Variants in SLC9A9 observed in about 807,000 individuals in gnomAD.
SLC9A9 encodes solute carrier family 9 member A9, also known as sodium/hydrogen exchanger 9.
In SLC9A9, 62 loss-of-function variants were observed where a neutral mutation model predicts 77.8. That is an observed-to-expected ratio of 0.80 (90% CI 0.65 to 0.98). SLC9A9 has a LOEUF of 0.98. Ranked by LOEUF, SLC9A9 falls within the 50% of genes least tolerant of loss-of-function variation. The pLI is 0.00. For missense variants in SLC9A9, 775 were observed against 774.9 expected (o/e 1.00, Z 0.00); for synonymous variants, 320 against 283.5 (o/e 1.13, Z -1.29).
At chr3:143,657,839 T>C (rs2038916700) in intron 5 of SLC9A9, among the ~76,000 whole-genome samples, 1 of 152,220 alleles carries the variant, frequency 6.6e-6, no homozygotes, top group South Asian at 2.1e-4. Context: ...GAATTTGTTT[T>C]AATTTCTAAT....
chr3:143,559,137 C>T (rs1221322324), intron 8 of SLC9A9, among the ~76,000 whole-genome samples: 2 of 152,192 alleles, frequency 1.3e-5, no homozygotes, highest in African/African-American at 4.8e-5. Context: ...GAGGCCTCCC[C>T]AGCCATGTGG....
chr3:143,552,466 C>T lies in SLC9A9; in HGVS notation c.1001-16G>A. ...GCAACTATCCCTGAAATTAAAAAAACAGATCAGTCAAAACCAATTTTTCTT... is the reference window on the plus strand; with the variant it reads ...GCAACTATCCCTGAAATTAAAAAAATAGATCAGTCAAAACCAATTTTTCTT... On this transcript the variant is annotated splice_polypyrimidine_tract_variant and intron_variant, in intron 8 of 15. Transcript: ENST00000316549. The T allele has an allele frequency of 6.2e-7, 1 of 1,609,804 alleles. No homozygotes were observed. The highest frequency in any genetic ancestry group is 1.1e-5 in the South Asian group (1 of 90,954).
chr3:143,341,467 G>T (rs2032096607), intron 14 of SLC9A9, among the ~76,000 whole-genome samples: 1 of 152,090 alleles, frequency 6.6e-6, no homozygotes, highest in Non-Finnish European at 1.5e-5. Context: ...GAAACGTGTT[G>T]GAGAACACCC....
intron 4 of SLC9A9, among the ~76,000 whole-genome samples, chr3:143,712,054 C>T (rs186815487): frequency 1.0e-3 from 157 of 152,318 alleles, no homozygotes; most frequent in Non-Finnish European, 1.9e-3. Context: ...GATATATGGA[C>T]TGGCTTTACA....
intron 14 of SLC9A9, among the ~76,000 whole-genome samples, chr3:143,335,121 CA>C (rs1284009113): frequency 6.6e-6 from 1 of 152,024 alleles, no homozygotes; most frequent in Non-Finnish European, 1.5e-5. Context: ...AAGATCAACA[CA>C]AAAAATCAGC....
intron 12 of SLC9A9, among the ~76,000 whole-genome samples, chr3:143,435,938 T>A (rs567304998): frequency 2.0e-5 from 3 of 152,294 alleles, no homozygotes; most frequent in Admixed American, 2.0e-4. Context: ...CCTGGGCCAG[T>A]GACAGAACTA....
At chr3:143,740,868 C>G (rs1009588400) in intron 4 of SLC9A9, among the ~76,000 whole-genome samples, 6 of 152,122 alleles carry the variant, frequency 3.9e-5, no homozygotes, top group African/African-American at 1.4e-4. Flanking sequence ...AATTCTGATA[C>G]TACTATTCAT....
chr3:143,383,619 G>A (rs932888672), intron 12 of SLC9A9, among the ~76,000 whole-genome samples: 1 of 152,186 alleles, frequency 6.6e-6, no homozygotes, highest in Non-Finnish European at 1.5e-5. Context: ...GACCAAGTGA[G>A]GGGCCCTGAA....
At chr3:143,631,812 C>G (rs965518920) in intron 6 of SLC9A9, among the ~76,000 whole-genome samples, 4 of 152,094 alleles carry the variant, frequency 2.6e-5, no homozygotes, top group Non-Finnish European at 5.9e-5. Flanking sequence ...TGCTAGTTCT[C>G]TTGATTTTTT....
At chr3:143,449,937 T>G (rs2034961682) in intron 12 of SLC9A9, among the ~76,000 whole-genome samples, 1 of 91,346 alleles carries the variant, frequency 1.1e-5, no homozygotes, top group Admixed American at 1.8e-4. Context: ...ATTACATGTA[T>G]ATATATTATA....
intron 7 of SLC9A9, among the ~76,000 whole-genome samples, chr3:143,576,495 G>A (rs1055678708): frequency 1.3e-5 from 2 of 152,094 alleles, no homozygotes; most frequent in Admixed American, 6.6e-5. Flanking sequence ...TTCAAATGAG[G>A]AGATGCATAG....
intron 13 of SLC9A9, among the ~76,000 whole-genome samples, chr3:143,379,805 C>T (rs1011309814): frequency 6.6e-6 from 1 of 152,158 alleles, no homozygotes; most frequent in Non-Finnish European, 1.5e-5. Context: ...GGTTTGACTA[C>T]AGTAAGTCTA....
intron 13 of SLC9A9, 108 bp from the exon 14 acceptor site, chr3:143,363,671 T>C (rs1309279293): frequency 2.9e-6 from 3 of 1,023,164 alleles, no homozygotes; most frequent in Non-Finnish European, 4.3e-6. Flanking sequence ...AAAAAACCTT[T>C]CTAAGTATAG....
intron 2 of SLC9A9, among the ~76,000 whole-genome samples, chr3:143,816,627 T>C (rs2009025392): frequency 6.6e-6 from 1 of 152,240 alleles, no homozygotes; most frequent in Non-Finnish European, 1.5e-5. Context: ...TATATTCTTG[T>C]ACTTAAGTCT....
intron 6 of SLC9A9, among the ~76,000 whole-genome samples, chr3:143,602,143 T>C (rs2037854639): frequency 6.6e-6 from 1 of 152,254 alleles, no homozygotes; most frequent in Admixed American, 6.5e-5. Context: ...GAAATTAACT[T>C]TGGTGTTGTG....
chr3:143,449,575 TATATAATTATATAAA>T, intron 12 of SLC9A9, among the ~76,000 whole-genome samples: 1 of 23,386 alleles, frequency 4.3e-5, no homozygotes, highest in Non-Finnish European at 6.3e-5. Flanking sequence ...TAATTATAAT[TATATAATTATATAAA>T]ATATAATTAT....
Position 143,687,730 on chromosome 3 carries a change from G to T in SLC9A9, c.649+5462C>A, listed in dbSNP as rs972408181. On this transcript the variant is annotated intron_variant, in intron 5 of 15. Coordinates refer to ENST00000316549, the MANE Select transcript of SLC9A9 (RefSeq NM_173653.4). ...TTTTTATTTTACAGATGAAGAGTCA[G>T]TTTTGTCTGTTAAAAAAAAAAGAAG... is the stretch of plus-strand genomic sequence containing the variant. 2.2e-5 allele frequency among the ~76,000 whole-genome samples: 3 copies of T among 134,332 alleles called. No homozygotes were observed. In the Admixed American group the frequency reaches 2.4e-4, roughly 11 times the overall value. 88.1% of individuals were successfully genotyped at this position (134,332 alleles called of 152,430 possible). A position where few individuals can be genotyped will look rare whatever the true frequency, so the allele number is the denominator to read the frequency against.
chr3:143,367,464 G>A (rs1472016299), intron 13 of SLC9A9, among the ~76,000 whole-genome samples: 1 of 152,142 alleles, frequency 6.6e-6, no homozygotes, highest in Non-Finnish European at 1.5e-5. Context: ...GGATCCATTC[G>A]TTTATTTCTC....
intron 4 of SLC9A9, among the ~76,000 whole-genome samples, chr3:143,700,336 C>T (rs1933760699): frequency 6.6e-6 from 1 of 152,158 alleles, no homozygotes; most frequent in Admixed American, 6.5e-5. Context: ...TTGACTTGCA[C>T]CTCAGGTATC....
Sources: gnomAD v4.1 joint callset for allele counts (sites outside exome capture counted in the v4.1 genomes callset) on GRCh38, gnomAD v4.1.1 for gene constraint, MANE v1.5 for transcripts, NCBI Gene and HGNC (gene_info 2026-07-23, HGNC 2026-07-21) for gene names.